The following CCSER1 variants were observed in gnomAD, a reference collection of about 807,000 sequenced individuals.
CCSER1 encodes the protein serine-rich coiled-coil domain-containing protein 1.
In CCSER1, 41 loss-of-function variants were observed where a neutral mutation model predicts 82.0. That is an observed-to-expected ratio of 0.50 (90% CI 0.39 to 0.65). The LOEUF is 0.65. CCSER1 is among the 30% of genes least tolerant of loss of function. CCSER1 has a pLI of 0.00. For synonymous variants in CCSER1, 414 were observed against 383.9 expected (o/e 1.08, Z -0.92); for missense variants, 1,119 against 1,064.2 (o/e 1.05, Z -0.72).
intron 8 of CCSER1, among the ~76,000 whole-genome samples, chr4:90,862,395 T>C (rs1167890304): frequency 2.0e-5 from 3 of 151,954 alleles, no homozygotes; most frequent in Admixed American, 1.3e-4. Flanking sequence ...CAAAAGCATT[T>C]TGGCCATTTT....
intron 10 of CCSER1, among the ~76,000 whole-genome samples, chr4:91,291,003 T>G (rs1385572005): frequency 2.6e-5 from 4 of 151,732 alleles, no homozygotes; most frequent in African/African-American, 9.7e-5. Flanking sequence ...ATCAGAATAC[T>G]CTCTTAGAAC....
chr4:90,914,498 C>T (rs1004890432), intron 8 of CCSER1, among the ~76,000 whole-genome samples: 8 of 151,932 alleles, frequency 5.3e-5, no homozygotes, highest in Non-Finnish European at 7.4e-5. Context: ...TAAAGCAGTG[C>T]GTTGAGGGAA....
At chr4:90,307,262 A>G (rs947743808) in intron 1 of CCSER1, among the ~76,000 whole-genome samples, 1 of 152,066 alleles carries the variant, frequency 6.6e-6, no homozygotes, top group Non-Finnish European at 1.5e-5. Context: ...TGATACCCTG[A>G]ATATACTGAC....
intron 9 of CCSER1, among the ~76,000 whole-genome samples, chr4:90,947,087 A>G (rs1321634701): frequency 2.6e-5 from 4 of 152,304 alleles, no homozygotes; most frequent in Middle Eastern, 3.4e-3. Context: ...GTGACATATA[A>G]TACTTCTACT....
At chr4:91,056,988 C>T (rs1743508587) in intron 9 of CCSER1, among the ~76,000 whole-genome samples, 1 of 152,118 alleles carries the variant, frequency 6.6e-6, no homozygotes, top group African/African-American at 2.4e-5. Flanking sequence ...CCAAGAATTC[C>T]TTTCAGCCAG....
intron 5 of CCSER1, among the ~76,000 whole-genome samples, chr4:90,626,495 T>G (rs1387416160): frequency 6.6e-6 from 1 of 152,252 alleles, no homozygotes; most frequent in Admixed American, 6.5e-5. Context: ...ATAATATAAT[T>G]AAATTGAATC....
chr4:91,541,273 C>T (rs535347005), intron 10 of CCSER1, among the ~76,000 whole-genome samples: 17 of 152,142 alleles, frequency 1.1e-4, no homozygotes, highest in Non-Finnish European at 2.5e-4. Flanking sequence ...TACATGTGCA[C>T]AACGTGCAGG....
intron 9 of CCSER1, among the ~76,000 whole-genome samples, chr4:90,967,594 C>T (rs1734693006): frequency 6.6e-6 from 1 of 151,952 alleles, no homozygotes; most frequent in East Asian, 1.9e-4. Context: ...GCTAATACTA[C>T]AAAATTTTTA....
chr4:91,495,392 T>C (rs911334468), intron 10 of CCSER1, among the ~76,000 whole-genome samples: 18 of 151,664 alleles, frequency 1.2e-4, no homozygotes, highest in African/African-American at 3.9e-4. Context: ...ATGCTTCTGG[T>C]TCTAGTAACC....
chr4:90,900,257 GA>G (rs1375524087), intron 8 of CCSER1, among the ~76,000 whole-genome samples: 1 of 151,702 alleles, frequency 6.6e-6, no homozygotes, highest in Non-Finnish European at 1.5e-5. Context: ...TCTGCGTAGA[GA>G]TGTTCTTAGC....
intron 1 of CCSER1, among the ~76,000 whole-genome samples, chr4:90,182,072 T>A (rs1296581625): frequency 6.6e-6 from 1 of 152,160 alleles, no homozygotes; most frequent in African/African-American, 2.4e-5. Flanking sequence ...GATGCTCAGA[T>A]GTTTTTGAGA....
At chr4:90,974,099 G>C (rs753959280) in intron 9 of CCSER1, among the ~76,000 whole-genome samples, 4 of 151,472 alleles carry the variant, frequency 2.6e-5, no homozygotes, top group Non-Finnish European at 5.9e-5. Flanking sequence ...ACGGTAGAAA[G>C]CTTTAGTTAT....
At chr4:91,053,675 CT>C (rs1429845013) in intron 9 of CCSER1, among the ~76,000 whole-genome samples, 1 of 152,226 alleles carries the variant, frequency 6.6e-6, no homozygotes, top group Non-Finnish European at 1.5e-5. Context: ...GATGCAATCA[CT>C]GTCCGGATTC....
At chr4:90,418,755 A>T (rs1756197283) in intron 4 of CCSER1, among the ~76,000 whole-genome samples, 1 of 152,040 alleles carries the variant, frequency 6.6e-6, no homozygotes, top group African/African-American at 2.4e-5. Flanking sequence ...TTTTTAAGTT[A>T]TGGGCATCAC....
chr4:90,927,779 C>A (rs1288085417), intron 9 of CCSER1, among the ~76,000 whole-genome samples: 1 of 151,860 alleles, frequency 6.6e-6, no homozygotes, highest in African/African-American at 2.4e-5. Flanking sequence ...GCAGATAGTC[C>A]TAAAAAATAT....
chr4:90,452,562 A>G (rs1338475944), intron 4 of CCSER1, among the ~76,000 whole-genome samples: 4 of 152,174 alleles, frequency 2.6e-5, no homozygotes, highest in Non-Finnish European at 4.4e-5. Flanking sequence ...TAGGTACCCT[A>G]TGGGGTGCTG....
intron 10 of CCSER1, among the ~76,000 whole-genome samples, chr4:91,566,968 A>C (rs1365347998): frequency 6.6e-6 from 1 of 151,700 alleles, no homozygotes; most frequent in Non-Finnish European, 1.5e-5. Flanking sequence ...TACTTCTTTC[A>C]GTTGTGAAGT....
intron 3 of CCSER1, among the ~76,000 whole-genome samples, chr4:90,325,087 A>T (rs1037653663): frequency 1.3e-5 from 2 of 152,186 alleles, no homozygotes; most frequent in Non-Finnish European, 2.9e-5. Context: ...TATTAAAACC[A>T]GGTACTATGA....
At chr4:90,943,088 C>T (rs1054807532) in intron 9 of CCSER1, among the ~76,000 whole-genome samples, 3 of 151,544 alleles carry the variant, frequency 2.0e-5, no homozygotes, top group Middle Eastern at 3.5e-3. Context: ...AGTGAATGAA[C>T]CTCATGCCTT....
Sources: gnomAD v4.1 joint callset for allele counts (sites outside exome capture counted in the v4.1 genomes callset) on GRCh38, gnomAD v4.1.1 for gene constraint, MANE v1.5 for transcripts, NCBI Gene and HGNC (gene_info 2026-07-23, HGNC 2026-07-21) for gene names.